Variants in GRAMD2A observed in about 807,000 individuals in gnomAD.
GRAMD2A encodes GRAM domain containing 2A, also known as GRAM domain-containing protein 2A.
A neutral mutation model predicts 51.1 loss-of-function variants in GRAMD2A; 37 were observed. The ratio of observed to expected loss-of-function variants is 0.72; its 90% CI spans 0.56 to 0.95. The LOEUF is 0.95. Among genes scored for constraint, GRAMD2A ranks in the 40% least tolerant of loss-of-function variants. The pLI is 0.00. For synonymous variants in GRAMD2A, 136 were observed against 157.1 expected (o/e 0.87, Z 1.01); for missense variants, 414 against 426.9 (o/e 0.97, Z 0.27).
intron 1 of GRAMD2A, 118 bp downstream of exon 1, chr15:72,197,613 G>T: frequency 1.2e-6 from 1 of 807,808 alleles, no homozygotes; most frequent in Non-Finnish European, 1.6e-6. Flanking sequence ...TGCCTGCCCC[G>T]TGGGCAGAAC....
intron 1 of GRAMD2A, among the ~76,000 whole-genome samples, chr15:72,186,884 T>C (rs1480092580): frequency 1.3e-5 from 2 of 151,940 alleles, no homozygotes; most frequent in Non-Finnish European, 2.9e-5. Flanking sequence ...CAGTGGCTCA[T>C]GTCTGTAATA....
At chr15:72,197,481 C>A (rs745766660) in intron 1 of GRAMD2A, among the ~76,000 whole-genome samples, 2 of 152,166 alleles carry the variant, frequency 1.3e-5, no homozygotes, top group African/African-American at 2.4e-5. Context: ...CCCTCATCCC[C>A]CAGGTCGCAG....
chr15:72,184,869 T>C (rs1279574747), intron 1 of GRAMD2A, among the ~76,000 whole-genome samples: 3 of 152,232 alleles, frequency 2.0e-5, no homozygotes, highest in Non-Finnish European at 2.9e-5. Context: ...GATGGTCAGA[T>C]AAACTACCTA....
intron 1 of GRAMD2A, chr15:72,175,579 GT>G (rs1441608487): frequency 6.6e-6 from 1 of 152,290 alleles, no homozygotes; most frequent in Non-Finnish European, 1.5e-5. Context: ...GGGAGTTCCG[GT>G]CATCTTTCAA....
rs1032132636 is a variant in GRAMD2A, at chr15:72,160,866, C to T, written c.*1143G>A. The stretch of plus-strand genomic sequence containing the variant: ...CTGTCCCCAGAGGTATGAGATAGAC[C>T]CCCTGGCCTGGTTCCTGCACTGTGC... On this transcript the variant is annotated 3_prime_UTR_variant, in exon 12 of 12. Transcript: ENST00000309731. 1 of 152,524 alleles carries T rather than the reference C, an allele frequency of 6.6e-6. No individual in the cohort carries two copies. Among genetic ancestry groups the T allele is most frequent in the Non-Finnish European group, 1.5e-5 (1 of 68,328 alleles). 9.4% of individuals were successfully genotyped at this position (152,524 alleles called of 1,614,324 possible). A position where few individuals can be genotyped will look rare whatever the true frequency, so the allele number is the denominator to read the frequency against.
chr15:72,188,065 G>A (rs1257876953), intron 1 of GRAMD2A, among the ~76,000 whole-genome samples: 2 of 152,138 alleles, frequency 1.3e-5, no homozygotes, highest in East Asian at 1.9e-4. Flanking sequence ...CTGGCTGGGC[G>A]TGGTGGCTCA....
rs1458131666 is a variant in GRAMD2A at position 72,161,022 on chromosome 15, C to T, written c.*987G>A. ...ACCTCTGCCCTGTGATGGCTCAACA[C>T]CATCACACGCAACTGTCCAGACAAG... is the stretch of plus-strand genomic sequence containing the variant. On this transcript the variant is annotated 3_prime_UTR_variant, in exon 12 of 12. Transcript: ENST00000309731. The T allele has an allele frequency of 6.6e-6, 1 of 152,264 alleles. No homozygotes were observed. Among genetic ancestry groups the T allele is most frequent in the African/African-American group, 2.4e-5 (1 of 41,452 alleles). 9.4% of individuals were successfully genotyped at this position (152,264 alleles called of 1,614,324 possible).
At chr15:72,188,991 C>T (rs1007481477) in intron 1 of GRAMD2A, among the ~76,000 whole-genome samples, 1 of 152,118 alleles carries the variant, frequency 6.6e-6, no homozygotes, top group African/African-American at 2.4e-5. Context: ...CCTTTAAGAG[C>T]TTTATTGGTT....
At chr15:72,182,622 AT>A in intron 1 of GRAMD2A, among the ~76,000 whole-genome samples, 1 of 152,332 alleles carries the variant, frequency 6.6e-6, no homozygotes. Flanking sequence ...TCTGATAAGG[AT>A]TTAGTATCCC....
At chr15:72,179,329 G>A (rs566888972) in intron 1 of GRAMD2A, among the ~76,000 whole-genome samples, 71 of 152,308 alleles carry the variant, frequency 4.7e-4, no homozygotes, top group Non-Finnish European at 8.5e-4. Context: ...AAGATGAGCC[G>A]GCCTGTCAGA....
intron 8 of GRAMD2A, among the ~76,000 whole-genome samples, chr15:72,164,411 A>T (rs79046054): frequency 2.5e-4 from 36 of 143,646 alleles, no homozygotes; most frequent in East Asian, 1.2e-3. Flanking sequence ...GACATCTTTT[A>T]TTTTTTTTTT....
intron 5 of GRAMD2A, 140 bp downstream of exon 5, chr15:72,167,596 G>A (rs769344453): frequency 1.1e-5 from 8 of 697,146 alleles, no homozygotes; most frequent in Non-Finnish European, 1.8e-5. Context: ...GGGATGCCTC[G>A]AAGCTGCGCA....
intron 1 of GRAMD2A, chr15:72,175,948 G>C (rs1310916868): frequency 1.3e-5 from 2 of 152,684 alleles, no homozygotes; most frequent in Non-Finnish European, 2.9e-5. Context: ...CAGGAAAGGA[G>C]GGGACAGGCT....
intron 1 of GRAMD2A, among the ~76,000 whole-genome samples, chr15:72,180,622 C>T (rs748736577): frequency 2.0e-5 from 3 of 152,228 alleles, no homozygotes; most frequent in Non-Finnish European, 4.4e-5. Flanking sequence ...CTCAGAATTA[C>T]TCTGGCTTTG....
intron 1 of GRAMD2A, among the ~76,000 whole-genome samples, chr15:72,178,803 TG>T (rs1306610595): frequency 6.6e-6 from 1 of 151,922 alleles, no homozygotes; most frequent in East Asian, 1.9e-4. Context: ...CTTGATCTCC[TG>T]ACCTTGTGAT....
rs769673856 is a variant in GRAMD2A, at chr15:72,161,983, G to A, written c.*26C>T. 2 of 1,613,526 alleles carry A rather than the reference G, an allele frequency of 1.2e-6. No individual in the cohort carries two copies. The highest frequency in any genetic ancestry group is 3.3e-5 in the Admixed American group (2 of 60,008). On this transcript the variant is annotated 3_prime_UTR_variant, in exon 12 of 12. Transcript: ENST00000309731. Reference sequence around the variant, plus strand: ...ACCCAGAACATTCTTCTTGGAGAAGGAATGGGGACAAAGGCCAAGTGGCTG... The same window carrying A: ...ACCCAGAACATTCTTCTTGGAGAAGAAATGGGGACAAAGGCCAAGTGGCTG...
chr15:72,165,964 G>T (rs1287627649), intron 7 of GRAMD2A, among the ~76,000 whole-genome samples: 1 of 152,050 alleles, frequency 6.6e-6, no homozygotes, highest in African/African-American at 2.4e-5. Flanking sequence ...CTCCTCCCGG[G>T]TTCAAGTGAT....
At position 72,163,725 on chromosome 15, in the gene GRAMD2A, C is replaced by A. The variant is rs778732169; in HGVS notation, c.633G>T (p.Lys211Asn). The A allele has an allele frequency of 1.2e-6, 2 of 1,609,484 alleles. No homozygotes were observed. The highest frequency in any genetic ancestry group is 1.7e-6 in the Non-Finnish European group (2 of 1,178,834). ...ACAGGGACCTGGAGGAAGGGCATAC[C>A]TTTCTCCACTTCATCTCAGGGATGA... is the stretch of plus-strand genomic sequence containing the variant. ...EVLIPEMKWR[K>N]VCPSSRSLSL... Residue 211 changes from lysine to asparagine, a missense_variant, in exon 9 of 12, where the codon AAG becomes AAT. By Grantham distance (94) the Lys-to-Asn change is moderately conservative. Coordinates refer to ENST00000309731, the MANE Select transcript of GRAMD2A (RefSeq NM_001012642.3).
chr15:72,193,019 G>A (rs554494964), intron 1 of GRAMD2A, among the ~76,000 whole-genome samples: 2 of 152,048 alleles, frequency 1.3e-5, no homozygotes, highest in South Asian at 4.2e-4. Context: ...CCAGCTACTC[G>A]GAAGGCTGAG....
Sources: gnomAD v4.1 joint callset for allele counts (sites outside exome capture counted in the v4.1 genomes callset) on GRCh38, gnomAD v4.1.1 for gene constraint, MANE v1.5 for transcripts, NCBI Gene and HGNC (gene_info 2026-07-23, HGNC 2026-07-21) for gene names.